Variants in TMEM132D observed in about 807,000 individuals in gnomAD.
The protein encoded by TMEM132D is transmembrane protein 132D.
Under a neutral mutation model 62.3 loss-of-function variants are expected in TMEM132D, and 21 were observed. The observed-to-expected ratio is 0.34, with a 90% CI of 0.24 to 0.49. The LOEUF is 0.49. Ranked by LOEUF, TMEM132D falls within the 20% of genes least tolerant of loss-of-function variation. The pLI is 0.99. For missense variants in TMEM132D, 1,346 were observed against 1,402.8 expected (o/e 0.96, Z 0.65); for synonymous variants, 621 against 575.6 (o/e 1.08, Z -1.13).
intron 2 of TMEM132D, among the ~76,000 whole-genome samples, chr12:129,641,014 G>C (rs1227629524): frequency 1.3e-5 from 2 of 152,032 alleles, no homozygotes; most frequent in African/African-American, 4.8e-5. Context: ...CAAGCTCAGG[G>C]CTCCCACTGA....
At chr12:129,093,480 A>T (rs1244742787) in intron 5 of TMEM132D, among the ~76,000 whole-genome samples, 2 of 152,178 alleles carry the variant, frequency 1.3e-5, no homozygotes, top group Non-Finnish European at 2.9e-5. Flanking sequence ...CTTACAAGGG[A>T]TGTGAAGGAT....
chr12:129,722,240 GAC>G (rs1357617287), intron 1 of TMEM132D, among the ~76,000 whole-genome samples: 1 of 152,198 alleles, frequency 6.6e-6, no homozygotes, highest in Non-Finnish European at 1.5e-5. Context: ...GGCTGCTGCA[GAC>G]ACACAATCTG....
intron 1 of TMEM132D, among the ~76,000 whole-genome samples, chr12:129,888,203 T>C (rs561977676): frequency 1.3e-5 from 2 of 152,330 alleles, no homozygotes; most frequent in East Asian, 1.9e-4. Flanking sequence ...GCATAGTTTT[T>C]ACATCTAATT....
At chr12:129,702,715 A>G (rs1419654119) in intron 1 of TMEM132D, among the ~76,000 whole-genome samples, 4 of 152,216 alleles carry the variant, frequency 2.6e-5, no homozygotes, top group Admixed American at 2.0e-4. Flanking sequence ...GGGAGCAGAA[A>G]TGACACGCAA....
At chr12:129,353,736 C>A (rs764007251) in intron 3 of TMEM132D, among the ~76,000 whole-genome samples, 25 of 152,144 alleles carry the variant, frequency 1.6e-4, no homozygotes, top group Non-Finnish European at 3.1e-4. Context: ...GTGTTTAGCA[C>A]GGGTAAACCA....
At chr12:129,469,230 G>T (rs1030996597) in intron 3 of TMEM132D, among the ~76,000 whole-genome samples, 2 of 152,124 alleles carry the variant, frequency 1.3e-5, no homozygotes, top group Non-Finnish European at 2.9e-5. Flanking sequence ...CTCACTCCTC[G>T]AATCAAGAGA....
At chr12:129,147,561 T>C (rs895090856) in intron 5 of TMEM132D, among the ~76,000 whole-genome samples, 2 of 152,106 alleles carry the variant, frequency 1.3e-5, no homozygotes, top group Non-Finnish European at 2.9e-5. Context: ...TAACCTATCA[T>C]GTCTTTATAG....
chr12:129,843,430 C>T (rs897304130), intron 1 of TMEM132D, among the ~76,000 whole-genome samples: 3 of 152,036 alleles, frequency 2.0e-5, no homozygotes, highest in Admixed American at 1.3e-4. Context: ...ATAATTGCAT[C>T]GAATCACAAG....
intron 2 of TMEM132D, among the ~76,000 whole-genome samples, chr12:129,613,416 C>T (rs777868539): frequency 6.6e-6 from 1 of 152,188 alleles, no homozygotes; most frequent in Non-Finnish European, 1.5e-5. Flanking sequence ...CAGACACTCT[C>T]GTCTCAACAG....
chr12:129,197,992 C>A lies in TMEM132D; in HGVS notation c.1443+11528G>T, dbSNP rs993511721. 2.0e-5 allele frequency among the ~76,000 whole-genome samples: 3 copies of A among 152,110 alleles called. No individual in the cohort carries two copies. The South Asian group carries it at 6.2e-4, about 31-fold the overall frequency. The stretch of plus-strand genomic sequence containing the variant: ...GCAAGGGAACTGAGCAGACATTTCA[C>A]AAAAGAAGAGCTACAAATAGTCAAT... On this transcript the variant is annotated intron_variant, in intron 5 of 8. Coordinates refer to ENST00000422113, the MANE Select transcript of TMEM132D (RefSeq NM_133448.3).
At chr12:129,187,225 G>A (rs1394735606) in intron 5 of TMEM132D, among the ~76,000 whole-genome samples, 1 of 141,144 alleles carries the variant, frequency 7.1e-6, no homozygotes, top group African/African-American at 2.5e-5. Flanking sequence ...GAGTCACCAG[G>A]TGGAGGAAGA....
chr12:129,293,443 A>T (rs893919797), intron 4 of TMEM132D, among the ~76,000 whole-genome samples: 2 of 152,196 alleles, frequency 1.3e-5, no homozygotes, highest in Non-Finnish European at 2.9e-5. Flanking sequence ...TTTGTAGAAG[A>T]CAATTTTTCC....
intron 4 of TMEM132D, among the ~76,000 whole-genome samples, chr12:129,298,107 A>C (rs1386271896): frequency 6.6e-6 from 1 of 152,132 alleles, no homozygotes; most frequent in Admixed American, 6.5e-5. Context: ...TCACCAACTC[A>C]TGGGTGGGAT....
At chr12:129,722,109 T>C (rs964350690) in intron 1 of TMEM132D, among the ~76,000 whole-genome samples, 31 of 152,200 alleles carry the variant, frequency 2.0e-4, no homozygotes, top group Non-Finnish European at 1.6e-4. Flanking sequence ...GAAAACCTAC[T>C]TAGGTCCCAC....
At chr12:129,612,074 A>G (rs1325269588) in intron 2 of TMEM132D, among the ~76,000 whole-genome samples, 1 of 152,188 alleles carries the variant, frequency 6.6e-6, no homozygotes, top group African/African-American at 2.4e-5. Flanking sequence ...GCAATGGTGG[A>G]CCAAGGACAG....
At chr12:129,246,765 CAAAAA>C (rs60215528) in intron 4 of TMEM132D, among the ~76,000 whole-genome samples, 11 of 148,556 alleles carry the variant, frequency 7.4e-5, no homozygotes, top group East Asian at 6.0e-4. Flanking sequence ...GACTCTATCT[CAAAAA>C]AAAAAAAAAG....
chr12:129,811,578 A>G lies in TMEM132D; in HGVS notation c.79+91683T>C, dbSNP rs1215498599. ...AATCCCAGGGCCTGTGCGTACAAAG[A>G]TGCCACCTCTGTGAGTGTGCGACCT... On this transcript the variant is annotated intron_variant, in intron 1 of 8. Transcript: ENST00000422113. 1.3e-5 allele frequency among the ~76,000 whole-genome samples: 2 copies of G among 151,774 alleles called. 1 individual carries two copies. Among genetic ancestry groups the G allele is most frequent in the Non-Finnish European group, 2.9e-5 (2 of 67,976 alleles).
chr12:129,171,392 G>A (rs988440753), intron 5 of TMEM132D, among the ~76,000 whole-genome samples: 1 of 152,114 alleles, frequency 6.6e-6, no homozygotes, highest in African/African-American at 2.4e-5. Flanking sequence ...ATCTAGTGGG[G>A]CTGGAAACAA....
intron 3 of TMEM132D, among the ~76,000 whole-genome samples, chr12:129,444,241 A>G (rs1276323761): frequency 6.6e-6 from 1 of 152,224 alleles, no homozygotes; most frequent in Non-Finnish European, 1.5e-5. Flanking sequence ...AATTGTGACA[A>G]AAGCAAAAAT....
Sources: allele counts gnomAD v4.1 joint callset (sites outside exome capture counted in the v4.1 genomes callset), GRCh38; gene constraint gnomAD v4.1.1; transcripts MANE v1.5; gene names NCBI Gene and HGNC (gene_info 2026-07-23, HGNC 2026-07-21).